KIAA1549L: variants seen among roughly 807,000 people sequenced by gnomAD.
The protein encoded by KIAA1549L is KIAA1549 like, also known as UPF0606 protein KIAA1549L.
In KIAA1549L, 88 loss-of-function variants were observed where a neutral mutation model predicts 160.7. That is an observed-to-expected ratio of 0.55 (90% CI 0.46 to 0.65). KIAA1549L has a LOEUF of 0.65. Ranked by LOEUF, KIAA1549L falls within the 30% of genes least tolerant of loss-of-function variation. KIAA1549L has a pLI of 0.00. For missense variants in KIAA1549L, 2,258 were observed against 2,437.5 expected, an observed-to-expected ratio of 0.93 and a Z score of 1.55; for synonymous variants, 950 against 976.7, an observed-to-expected ratio of 0.97 and a Z score of 0.51.
chr11:33,559,177 G>A (rs926249654), intron 6 of KIAA1549L, among the ~76,000 whole-genome samples: 8 of 152,032 alleles, frequency 5.3e-5, no homozygotes, highest in Admixed American at 2.0e-4. Context: ...CGCTCTGCCC[G>A]TGACCAGACT....
chr11:33,432,782 C>G (rs956446529), intron 1 of KIAA1549L, among the ~76,000 whole-genome samples: 2 of 152,194 alleles, frequency 1.3e-5, no homozygotes, highest in African/African-American at 4.8e-5. Flanking sequence ...TAACACCACA[C>G]ATCTACAACC....
intron 1 of KIAA1549L, among the ~76,000 whole-genome samples, chr11:33,414,957 A>T (rs140593698): frequency 6.6e-6 from 1 of 152,146 alleles, no homozygotes; most frequent in Admixed American, 6.5e-5. Context: ...TATGTTGCAG[A>T]TATTTTTTCC....
At chr11:33,603,253 T>A (rs1850409199) in intron 13 of KIAA1549L, among the ~76,000 whole-genome samples, 2 of 105,852 alleles carry the variant, frequency 1.9e-5, no homozygotes, top group African/African-American at 5.7e-5. Flanking sequence ...TGGGCAAGAA[T>A]GGAGCTTCTA....
intron 17 of KIAA1549L, among the ~76,000 whole-genome samples, chr11:33,655,734 G>A (rs1852041206): frequency 1.3e-5 from 2 of 152,198 alleles, no homozygotes; most frequent in Admixed American, 1.3e-4. Flanking sequence ...GGTGAGGAAA[G>A]CACCCAGGTG....
intron 16 of KIAA1549L, among the ~76,000 whole-genome samples, chr11:33,635,368 A>G (rs1271140033): frequency 6.6e-6 from 1 of 152,138 alleles, no homozygotes; most frequent in African/African-American, 2.4e-5. Flanking sequence ...TGAAACCCCC[A>G]CTCGGTCTCT....
chr11:33,395,564 G>A (rs12792396), intron 1 of KIAA1549L, among the ~76,000 whole-genome samples: 71,274 of 151,904 alleles, frequency 0.47, 19,172 homozygotes, highest in Non-Finnish European at 0.59. Flanking sequence ...TAGAAGGAAG[G>A]CTTTATTTTT....
Position 33,477,507 on chromosome 11 carries a change from G to GCACGCGCACACACACA in KIAA1549L, c.239-64292_239-64291insGCGCACACACACACAC, listed in dbSNP as rs374982374. On this transcript the variant is annotated intron_variant, in intron 1 of 20. Transcript: ENST00000658780. ...GTGGTGGAGTGCCACGCAGGTGCAC[G>GCACGCGCACACACACA]CACACACACACAAACACACACACAC... 6.2e-4 allele frequency among the ~76,000 whole-genome samples: 82 copies of GCACGCGCACACACACA among 131,820 alleles called. 1 individual carries two copies. The highest frequency in any genetic ancestry group is 5.9e-3 in the South Asian group (26 of 4,408). The allele number at this position is 131,820 out of a possible 152,430, so 86.5% of individuals were successfully genotyped here.
intron 16 of KIAA1549L, among the ~76,000 whole-genome samples, chr11:33,643,538 C>G (rs887854083): frequency 7.9e-5 from 12 of 152,186 alleles, no homozygotes; most frequent in Non-Finnish European, 1.5e-4. Flanking sequence ...CACCTGGGAG[C>G]AGTTGAGCAT....
At chr11:33,439,045 A>G (rs1001523917) in intron 1 of KIAA1549L, among the ~76,000 whole-genome samples, 4 of 150,902 alleles carry the variant, frequency 2.7e-5, no homozygotes, top group Admixed American at 1.3e-4. Flanking sequence ...TCCTGCCTCA[A>G]CCTCCTGAGT....
chr11:33,556,794 G>A (rs1471989545), intron 6 of KIAA1549L, among the ~76,000 whole-genome samples: 1 of 152,136 alleles, frequency 6.6e-6, no homozygotes, highest in African/African-American at 2.4e-5. Context: ...AAGATGGATG[G>A]TGGTGATGGT....
chr11:33,635,937 A>T (rs1851425530), intron 16 of KIAA1549L, among the ~76,000 whole-genome samples: 1 of 152,236 alleles, frequency 6.6e-6, no homozygotes, highest in African/African-American at 2.4e-5. Flanking sequence ...TGATCTGAAA[A>T]TATTAAATGG....
intron 1 of KIAA1549L, among the ~76,000 whole-genome samples, chr11:33,430,009 C>CCTTCCTT (rs1851197946): frequency 1.1e-5 from 1 of 93,298 alleles, no homozygotes; most frequent in African/African-American, 4.6e-5. Context: ...GCTCTGCCCT[C>CCTTCCTT]CCTTCCTTCC....
At chr11:33,407,008 G>GT (rs779995367) in intron 1 of KIAA1549L, among the ~76,000 whole-genome samples, 1 of 151,834 alleles carries the variant, frequency 6.6e-6, no homozygotes, top group Non-Finnish European at 1.5e-5. Flanking sequence ...CTAGCTCAAG[G>GT]TAGGGACTCT....
intron 1 of KIAA1549L, among the ~76,000 whole-genome samples, chr11:33,429,801 A>G (rs556475569): frequency 6.6e-6 from 1 of 151,990 alleles, no homozygotes; most frequent in East Asian, 1.9e-4. Context: ...GCCTTCATAT[A>G]TCTGGACTTG....
chr11:33,641,711 C>T (rs1173799965), intron 16 of KIAA1549L, among the ~76,000 whole-genome samples: 1 of 148,476 alleles, frequency 6.7e-6, no homozygotes, highest in African/African-American at 2.4e-5. Context: ...ATGGGGAACA[C>T]ATTTGTCTTT....
intron 6 of KIAA1549L, among the ~76,000 whole-genome samples, chr11:33,558,327 C>T (rs1024792606): frequency 3.3e-5 from 5 of 152,080 alleles, no homozygotes; most frequent in Non-Finnish European, 4.4e-5. Flanking sequence ...CAGCTGGGAC[C>T]CGATGGGGTG....
rs143753196 is a variant in KIAA1549L, at chr11:33,478,348, G to C, written c.239-63454G>C. ...CCAGACGGGCAAAGGTTTCTGCAAA[G>C]CTATGTCTTGCAGGGATTGCAGTTT... On this transcript the variant is annotated intron_variant, in intron 1 of 20. Coordinates refer to ENST00000658780, the MANE Select transcript of KIAA1549L (RefSeq NM_012194.3). Among the ~76,000 whole-genome samples the C allele has an allele frequency of 6.0e-3, 911 of 152,364 alleles. 7 individuals are homozygous for C. Among genetic ancestry groups the C allele is most frequent in the Non-Finnish European group, 6.9e-3 (471 of 68,030 alleles).
chr11:33,627,821 C>G (rs562833807), intron 16 of KIAA1549L, among the ~76,000 whole-genome samples: 2 of 151,738 alleles, frequency 1.3e-5, no homozygotes, highest in South Asian at 2.1e-4. Flanking sequence ...GTCTTGCCTT[C>G]TGCTAGCTTT....
At chr11:33,481,116 C>T (rs1349949333) in intron 1 of KIAA1549L, among the ~76,000 whole-genome samples, 1 of 152,112 alleles carries the variant, frequency 6.6e-6, no homozygotes, top group Non-Finnish European at 1.5e-5. Context: ...CTCGTTTAGA[C>T]TTCCTTTGGG....
Sources: allele counts gnomAD v4.1 joint callset (sites outside exome capture counted in the v4.1 genomes callset), GRCh38; gene constraint gnomAD v4.1.1; transcripts MANE v1.5; gene names NCBI Gene and HGNC (gene_info 2026-07-23, HGNC 2026-07-21).